The following TECTA variants were observed in gnomAD, a reference collection of about 807,000 sequenced individuals.
TECTA encodes alpha-tectorin.
A neutral mutation model predicts 216.8 loss-of-function variants in TECTA; 128 were observed. The ratio of observed to expected loss-of-function variants is 0.59; its 90% CI spans 0.51 to 0.68. The LOEUF (loss-of-function observed/expected upper bound fraction) is 0.68, where lower values mean the gene tolerates loss of function less well. Among genes scored for constraint, TECTA ranks in the 30% least tolerant of loss-of-function variants. The pLI, the probability that TECTA is intolerant of heterozygous loss-of-function variation, is 0.00. For missense variants in TECTA, 2,551 were observed against 2,786.2 expected, an observed-to-expected ratio of 0.92 and a Z score of 1.90; for synonymous variants, 1,089 against 1,117.1, an observed-to-expected ratio of 0.97 and a Z score of 0.50.
intron 14 of TECTA, 106 bp downstream of exon 14, chr11:121,158,330 G>C: frequency 1.4e-6 from 2 of 1,462,684 alleles, no homozygotes; most frequent in South Asian, 2.3e-5. Context: ...ATAGATTGTT[G>C]CTTCATGGTG....
At chr11:121,122,899 G>A (rs1449225857) in intron 7 of TECTA, among the ~76,000 whole-genome samples, 1 of 152,042 alleles carries the variant, frequency 6.6e-6, no homozygotes, top group African/African-American at 2.4e-5. Context: ...GGTAGAGGCT[G>A]GAAGAGTTTT....
chr11:121,186,169 T>A (rs1329963029), intron 20 of TECTA, among the ~76,000 whole-genome samples: 3 of 150,324 alleles, frequency 2.0e-5, no homozygotes, highest in Non-Finnish European at 4.4e-5. Context: ...AATGAATGAG[T>A]AGGGAAAGCA....
intron 20 of TECTA, among the ~76,000 whole-genome samples, chr11:121,181,336 G>C (rs570210761): frequency 6.6e-6 from 1 of 151,724 alleles, no homozygotes; most frequent in South Asian, 2.1e-4. Context: ...TGATTTCTTT[G>C]TATTGTTTAT....
At position 121,187,987 on chromosome 11, in the gene TECTA, G is replaced by A. The variant is rs727503467; in HGVS notation, c.6155G>A (p.Cys2052Tyr). The A allele has an allele frequency of 6.2e-7, 1 of 1,614,026 alleles. No individual in the cohort carries two copies. Among genetic ancestry groups the A allele is most frequent in the East Asian group, 2.2e-5 (1 of 44,898 alleles). ...VSLCDSEKYS[C>Y]KITCPHNSRI... The stretch of plus-strand genomic sequence containing the variant: ...CTCTGCGACTCAGAAAAGTACTCCT[G>A]TAAAATCGTAAGTGAGAGTGTGAAA... The change falls in exon 21 of 24, where the codon TGT becomes TAT. Residue 2052 changes from cysteine (C) to tyrosine (Y), a missense_variant. By Grantham distance (194) the Cys-to-Tyr change is radical (BLOSUM62 -2). Coordinates refer to ENST00000392793, the MANE Select transcript of TECTA (RefSeq NM_005422.4).
chr11:121,171,597 A>C lies in TECTA; in HGVS notation c.5999+2672A>C, dbSNP rs150055856. Reference sequence around the variant, plus strand: ...CCATTTGTCCTCTTCAATTTCTTCCATCAGCGTTTTGTAATTTTCCTTGTA... The same window carrying C: ...CCATTTGTCCTCTTCAATTTCTTCCCTCAGCGTTTTGTAATTTTCCTTGTA... On this transcript the variant is annotated intron_variant, in intron 20 of 23. Coordinates refer to ENST00000392793, the MANE Select transcript of TECTA (RefSeq NM_005422.4). Among the ~76,000 whole-genome samples, 298 of 152,232 alleles carry C rather than the reference A, an allele frequency of 2.0e-3. 2 individuals are homozygous for C. Among genetic ancestry groups the C allele is most frequent in the African/African-American group, 7.0e-3 (291 of 41,546 alleles).
rs1946747299 is a variant in TECTA at position 121,137,876 on chromosome 11, C to T, written c.3397C>T (p.Pro1133Ser). ...PLILCTTGSRPSSDSFPKFVV... is the reference protein window; with the variant it reads ...PLILCTTGSRSSSDSFPKFVV... ...CATCCTGTGCACCACAGGAAGCAGGCCAAGCTCAGACTCTTTCCCCAAGTT... is the reference window on the plus strand; with the variant it reads ...CATCCTGTGCACCACAGGAAGCAGGTCAAGCTCAGACTCTTTCCCCAAGTT... Residue 1133 changes from proline (P) to serine (S), a missense_variant, in exon 11 of 24, where the codon CCA becomes TCA. Transcript: ENST00000392793. The T allele has an allele frequency of 6.2e-7, 1 of 1,603,698 alleles. No individual in the cohort carries two copies. Among genetic ancestry groups the T allele is most frequent in the African/African-American group, 1.3e-5 (1 of 74,772 alleles).
chr11:121,114,573 C>A (rs959505110), intron 6 of TECTA, among the ~76,000 whole-genome samples: 9 of 147,534 alleles, frequency 6.1e-5, no homozygotes, highest in Non-Finnish European at 1.4e-4. Flanking sequence ...ACCCATCTAT[C>A]CAGCTACCCA....
Position 121,157,775 on chromosome 11 carries a change from C to T in TECTA, c.4306-66C>T, listed in dbSNP as rs540576724. 15 of 1,610,470 alleles carry T rather than the reference C, an allele frequency of 9.3e-6. No individual in the cohort carries two copies. The African/African-American group carries it at 9.3e-5, about 10-fold the overall frequency. On this transcript the variant is annotated intron_variant, in intron 13 of 23. Coordinates refer to ENST00000392793, the MANE Select transcript of TECTA (RefSeq NM_005422.4). ...CAAGCCTGATAAAAGACGAGGGGGACTGGGCTTTCGGGTCCCCAGCCCTGA... is the reference window on the plus strand; with the variant it reads ...CAAGCCTGATAAAAGACGAGGGGGATTGGGCTTTCGGGTCCCCAGCCCTGA...
intron 10 of TECTA, 125 bp downstream of exon 10, chr11:121,130,336 C>G: frequency 9.3e-7 from 1 of 1,077,058 alleles, no homozygotes; most frequent in East Asian, 2.6e-5. Flanking sequence ...ACTGTGTATA[C>G]CTACCCTAGT....
intron 3 of TECTA, among the ~76,000 whole-genome samples, chr11:121,108,647 A>G (rs1031020622): frequency 1.6e-4 from 23 of 148,112 alleles, no homozygotes; most frequent in African/African-American, 5.5e-4. Flanking sequence ...ACACACACAA[A>G]GCCCACTCCA....
At chr11:121,153,125 A>T (rs1225107194) in intron 13 of TECTA, 45 bp downstream of exon 13, 1 of 1,583,164 alleles carries the variant, frequency 6.3e-7, no homozygotes, top group South Asian at 1.1e-5. Context: ...CAATGATCAG[A>T]TTCCTCTCCA....
chr11:121,129,463 GAAAT>G (rs1240917310), intron 9 of TECTA, among the ~76,000 whole-genome samples, 171 bp from the exon 10 acceptor site: 2 of 152,168 alleles, frequency 1.3e-5, no homozygotes, highest in Non-Finnish European at 2.9e-5. Context: ...AATCCAAAAA[GAAAT>G]AAATAAAGAA....
At chr11:121,180,405 G>A (rs1020353577) in intron 20 of TECTA, among the ~76,000 whole-genome samples, 2 of 151,756 alleles carry the variant, frequency 1.3e-5, no homozygotes, top group Non-Finnish European at 2.9e-5. Context: ...TTCTTGATTA[G>A]CAGGTTTTTT....
In TECTA at chr11:121,162,105, G is replaced by T. The variant is rs1047688327; in HGVS notation, c.5007G>T (p.Gln1669His). ...TTGCCCCCAGCTGCAACGAGCTGCA[G>T]TTCTCACAGTATGCAGCCATGTGTG... Reference protein sequence around the residue: ...RPLAPSCNELQFSQYAAMCDN... With the variant: ...RPLAPSCNELHFSQYAAMCDN... Residue 1669 changes from glutamine to histidine, a missense_variant, in exon 16 of 24, where the codon CAG (glutamine) becomes CAT (histidine). By Grantham distance (24) the Gln-to-His change is conservative. Around this residue, in one of 3 missense-constraint regions of TECTA, gnomAD observed 2,375 missense variants for 2,563.9 expected, o/e 0.93. Transcript: ENST00000392793. The T allele has an allele frequency of 2.7e-5, 44 of 1,614,060 alleles. No individual in the cohort carries two copies. Among genetic ancestry groups the T allele is most frequent in the Non-Finnish European group, 3.6e-5 (42 of 1,180,050 alleles).
In TECTA at chr11:121,118,556, G is replaced by A; in HGVS notation, c.1041G>A (p.Leu347=). 6.2e-7 allele frequency: 1 copy of A among 1,614,150 alleles called. No individual in the cohort carries two copies. Among genetic ancestry groups the A allele is most frequent in the South Asian group, 1.1e-5 (1 of 91,078 alleles). Residue 347 remains leucine (L), a synonymous_variant, in exon 7 of 24, where the codon TTG becomes TTA. Transcript: ENST00000392793. ...LFHFQGSCAY[L]LARQCLQTSS... ...ACTTCCAAGGCTCCTGTGCCTACTT[G>A]CTGGCCCGACAGTGTTTGCAGACTT...
At chr11:121,166,191 T>C (rs1474635593) in intron 17 of TECTA, among the ~76,000 whole-genome samples, 1 of 152,206 alleles carries the variant, frequency 6.6e-6, no homozygotes, top group Non-Finnish European at 1.5e-5. Context: ...GGGCTTCAGA[T>C]GTGGTCTGGC....
At position 121,145,750 on chromosome 11, in the gene TECTA, A is replaced by C. The variant is rs781691033; in HGVS notation, c.3739A>C (p.Asn1247His). Residue 1247 changes from asparagine to histidine, a missense_variant, in exon 12 of 24, where the codon AAC (asparagine) becomes CAC (histidine). Around this residue, in one of 3 missense-constraint regions of TECTA, gnomAD observed 2,375 missense variants for 2,563.9 expected, o/e 0.93. Transcript: ENST00000392793. The part of the protein sequence containing the change: ...TYGLCGRYNG[N>H]PDDDLEMPMG... Reference sequence around the variant, plus strand: ...TGGTCTGTGTGGCCGCTACAACGGCAACCCTGATGATGACCTGGAGATGCC... The same window carrying C: ...TGGTCTGTGTGGCCGCTACAACGGCCACCCTGATGATGACCTGGAGATGCC... 50 of 1,614,126 alleles carry C rather than the reference A, an allele frequency of 3.1e-5. No homozygotes were observed. Among genetic ancestry groups the C allele is most frequent in the Non-Finnish European group, 4.2e-5 (49 of 1,180,048 alleles).
intron 6 of TECTA, among the ~76,000 whole-genome samples, chr11:121,117,458 T>C (rs1946511883): frequency 6.6e-6 from 1 of 152,218 alleles, no homozygotes. Flanking sequence ...AATTTCAAAG[T>C]TTTTTGGTGG....
At chr11:121,186,801 T>C (rs1026974605) in intron 20 of TECTA, among the ~76,000 whole-genome samples, 1 of 152,214 alleles carries the variant, frequency 6.6e-6, no homozygotes, top group Admixed American at 6.5e-5. Flanking sequence ...AAAGGAAATA[T>C]AAGGAAAAGA....
Sources: gnomAD v4.1 joint callset for allele counts (sites outside exome capture counted in the v4.1 genomes callset) on GRCh38, gnomAD v4.1.1 for gene constraint, gnomAD v4.1.1 regional missense constraint, MANE v1.5 for transcripts, NCBI Gene and HGNC (gene_info 2026-07-23, HGNC 2026-07-21) for gene names.